Variants in PCDHA4 observed in about 807,000 individuals in gnomAD.
PCDHA4 encodes protocadherin alpha 4.
Under a neutral mutation model 61.4 loss-of-function variants are expected in PCDHA4, and 49 were observed. The ratio of observed to expected loss-of-function variants is 0.80; its 90% confidence interval spans 0.63 to 1.01. PCDHA4 has a LOEUF of 1.01. Among genes scored for constraint, PCDHA4 ranks in the 50% least tolerant of loss-of-function variants. The pLI is 0.00. For synonymous variants in PCDHA4, 590 were observed against 550.3 expected, an observed-to-expected ratio of 1.07 and a Z score of -1.01; for missense variants, 1,254 against 1,235.8, an observed-to-expected ratio of 1.01 and a Z score of -0.22.
rs1202814862 is a variant in PCDHA4 at position 140,851,185 on chromosome 5, A to C, written c.2385+41613A>C. On this transcript the variant is annotated intron_variant, in intron 1 of 3. Transcript: ENST00000530339. ...ATGCTGCCATAACACTTGAAAACCA[A>C]TTTAGTTGTTAGTCATTCATTAAAC... The C allele has an allele frequency of 2.4e-6, 3 of 1,237,650 alleles. No individual in the cohort carries two copies. In the African/African-American group the frequency reaches 4.7e-5, roughly 19 times the overall value. The allele number at this position is 1,237,650 out of a possible 1,614,324, so 76.7% of individuals were successfully genotyped here.
At chr5:140,841,688 G>A in intron 1 of PCDHA4, 1 of 1,613,948 alleles carries the variant, frequency 6.2e-7, no homozygotes, top group Non-Finnish European at 8.5e-7. Flanking sequence ...GGACGTGGAG[G>A]TGAAGGATGT....
chr5:140,882,898 A>T lies in PCDHA4; in HGVS notation c.2385+73326A>T, dbSNP rs781828373. 6 of 1,614,100 alleles carry T rather than the reference A, an allele frequency of 3.7e-6. No individual in the cohort carries two copies. In the Admixed American group the frequency reaches 5.0e-5, roughly 13 times the overall value. On this transcript the variant is annotated intron_variant, in intron 1 of 3. Coordinates refer to ENST00000530339, the MANE Select transcript of PCDHA4 (RefSeq NM_018907.4). ...GAGAGGAAATTCAGGAACATAGTTT[A>T]TTACTGACAGCCAGTGATGGAGGTA...
chr5:140,965,242 A>T (rs1373643411), intron 1 of PCDHA4, among the ~76,000 whole-genome samples: 2 of 152,196 alleles, frequency 1.3e-5, no homozygotes, highest in African/African-American at 4.8e-5. Context: ...GGGAAGAGTG[A>T]ATATTCAGAA....
At chr5:140,897,543 C>A (rs1325895994) in intron 1 of PCDHA4, among the ~76,000 whole-genome samples, 2 of 152,044 alleles carry the variant, frequency 1.3e-5, no homozygotes, top group African/African-American at 4.8e-5. Flanking sequence ...GCTGCATAGT[C>A]TTCCATGGTG....
rs140013560 is a variant in PCDHA4 at position 140,850,963 on chromosome 5, C to A, written c.2385+41391C>A. On this transcript the variant is annotated intron_variant, in intron 1 of 3. Coordinates refer to ENST00000530339, the MANE Select transcript of PCDHA4 (RefSeq NM_018907.4). The stretch of plus-strand genomic sequence containing the variant: ...AGATATTATCGATTACTCCCAGGGG[C>A]CGTTCAAATAGTTTTATTCATTTTT... The A allele has an allele frequency of 5.0e-4, 731 of 1,472,590 alleles. 40 individuals carry two copies. The African/African-American group carries it at 9.3e-3, about 19-fold the overall frequency. The allele number at this position is 1,472,590 out of a possible 1,614,324, so 91.2% of individuals were successfully genotyped here.
chr5:140,982,331 G>A lies in PCDHA4; in HGVS notation c.2445-144G>A, dbSNP rs1422921231. On this transcript the variant is annotated intron_variant, in intron 2 of 3. Coordinates refer to ENST00000530339, the MANE Select transcript of PCDHA4 (RefSeq NM_018907.4). ...GCAGTTTATGCAGGGTGACTGCTCA[G>A]CAGTAATTGCTTCAGTTCAAGCATG... The A allele has an allele frequency of 6.3e-6, 9 of 1,431,750 alleles. No individual in the cohort carries two copies. In the Admixed American group the frequency reaches 1.6e-4, roughly 26 times the overall value. 88.7% of individuals were successfully genotyped at this position (1,431,750 alleles called of 1,614,324 possible).
intron 1 of PCDHA4, among the ~76,000 whole-genome samples, chr5:140,888,049 T>C (rs554327528): frequency 1.3e-5 from 2 of 152,354 alleles, no homozygotes; most frequent in South Asian, 2.1e-4. Context: ...GTATAATAGA[T>C]GTTTTAACTT....
intron 1 of PCDHA4, chr5:140,835,435 C>G (rs782068094): frequency 6.2e-7 from 1 of 1,613,788 alleles, no homozygotes; most frequent in Non-Finnish European, 8.5e-7. Context: ...CCACAGTTGA[C>G]TCTCACTTCC....
At chr5:140,899,252 C>T (rs1219703479) in intron 1 of PCDHA4, among the ~76,000 whole-genome samples, 1 of 152,142 alleles carries the variant, frequency 6.6e-6, no homozygotes, top group Non-Finnish European at 1.5e-5. Context: ...TGAGAGAGGG[C>T]ATCCCTGTCT....
intron 1 of PCDHA4, among the ~76,000 whole-genome samples, chr5:140,961,969 C>T (rs188846719): frequency 1.5e-4 from 23 of 151,904 alleles, no homozygotes; most frequent in African/African-American, 5.1e-4. Flanking sequence ...CTGCAACCTC[C>T]GCCTCCTGGG....
chr5:140,898,018 C>G (rs1189161004), intron 1 of PCDHA4, among the ~76,000 whole-genome samples: 1 of 152,062 alleles, frequency 6.6e-6, no homozygotes, highest in African/African-American at 2.4e-5. Flanking sequence ...TATCCTTTGC[C>G]CACTTTTTGA....
intron 1 of PCDHA4, among the ~76,000 whole-genome samples, chr5:140,901,970 G>T (rs1178784932): frequency 1.3e-5 from 2 of 151,954 alleles, no homozygotes; most frequent in Non-Finnish European, 2.9e-5. Context: ...TCGTAAATGG[G>T]ATTACTTTTT....
intron 1 of PCDHA4, among the ~76,000 whole-genome samples, chr5:140,930,820 A>T (rs2153606213): frequency 6.6e-6 from 1 of 152,346 alleles, no homozygotes; most frequent in East Asian, 1.9e-4. Flanking sequence ...TGCTTAGTAA[A>T]TGCTGACTGA....
intron 1 of PCDHA4, chr5:140,869,196 C>G (rs2050913789): frequency 6.2e-7 from 1 of 1,614,030 alleles, no homozygotes; most frequent in Non-Finnish European, 8.5e-7. Flanking sequence ...GCGGCCAGCT[C>G]CACTACTCCG....
intron 1 of PCDHA4, among the ~76,000 whole-genome samples, chr5:140,956,087 C>T (rs2095255787): frequency 6.6e-6 from 1 of 152,178 alleles, no homozygotes; most frequent in Admixed American, 6.5e-5. Context: ...ATCATGTCAT[C>T]TGCAAACAAA....
At position 140,848,447 on chromosome 5, in the gene PCDHA4, CT is replaced by C; in HGVS notation, c.2385+38876del. On this transcript the variant is annotated intron_variant, in intron 1 of 3. Transcript: ENST00000530339. ...GACTGACGAAATCAGATGATTTCTT[CT>C]AATTTGGAGGCAATTTTCACTAATT... The C allele has an allele frequency of 2.7e-6, 4 of 1,507,352 alleles. 1 individual carries two copies. The highest frequency in any genetic ancestry group is 9.0e-7 in the Non-Finnish European group (1 of 1,107,456). 93.4% of individuals were successfully genotyped at this position (1,507,352 alleles called of 1,614,324 possible).
intron 1 of PCDHA4, chr5:140,868,045 A>G (rs1452350688): frequency 3.3e-5 from 5 of 152,130 alleles, no homozygotes; most frequent in African/African-American, 1.2e-4. Flanking sequence ...GGAAATACCA[A>G]TATGGCACAA....
intron 1 of PCDHA4, chr5:140,810,657 T>A (rs1334906011): frequency 7.1e-6 from 1 of 140,010 alleles, no homozygotes; most frequent in Non-Finnish European, 1.5e-5. Context: ...CTCTAGTCTG[T>A]TGTTTTTCTT....
In PCDHA4 at chr5:140,808,475, G is replaced by C. The variant is rs1359220357; in HGVS notation, c.1288G>C (p.Gly430Arg). The change falls in exon 1 of 4, where the codon GGG (glycine) becomes CGG (arginine). Residue 430 changes from glycine (G) to arginine (R), a missense_variant. Gly to Arg is a moderately radical substitution (Grantham distance 125, BLOSUM62 -2). Transcript: ENST00000530339. Reference protein sequence around the residue: ...AYELVVTARDGGSPSLWATAS... With the variant: ...AYELVVTARDRGSPSLWATAS... ...TGAGCTGGTGGTGACCGCGCGAGACGGGGGCTCGCCTTCGCTGTGGGCCAC... is the reference window on the plus strand; with the variant it reads ...TGAGCTGGTGGTGACCGCGCGAGACCGGGGCTCGCCTTCGCTGTGGGCCAC... The C allele has an allele frequency of 1.2e-6, 2 of 1,614,172 alleles. No individual in the cohort carries two copies. The highest frequency in any genetic ancestry group is 1.1e-5 in the South Asian group (1 of 91,080).
Sources: allele counts gnomAD v4.1 joint callset (sites outside exome capture counted in the v4.1 genomes callset), GRCh38; gene constraint gnomAD v4.1.1; transcripts MANE v1.5; gene names NCBI Gene and HGNC (gene_info 2026-07-23, HGNC 2026-07-21).